TBL1XR1: variants seen among roughly 807,000 people sequenced by gnomAD.
TBL1XR1 encodes TBL1X/Y related 1, also known as F-box-like/WD repeat-containing protein TBL1XR1.
A neutral mutation model predicts 66.9 loss-of-function variants in TBL1XR1; 5 were observed. That is an observed-to-expected ratio of 0.07 (90% CI 0.04 to 0.16). The LOEUF is 0.16. TBL1XR1 is among the 10% of genes least tolerant of loss of function. The pLI, the probability that TBL1XR1 is intolerant of heterozygous loss-of-function variation, is 1.00. For missense variants in TBL1XR1, 238 were observed against 623.2 expected, an observed-to-expected ratio of 0.38 and a Z score of 6.58; for synonymous variants, 210 against 206.0, an observed-to-expected ratio of 1.02 and a Z score of -0.17.
chr3:177,195,838 T>G (rs192619605), intron 1 of TBL1XR1, among the ~76,000 whole-genome samples: 16 of 152,320 alleles, frequency 1.1e-4, no homozygotes, highest in Admixed American at 1.0e-3. Context: ...AGAAAGTGAA[T>G]AGTAAACTTT....
At position 177,051,553 on chromosome 3, in the gene TBL1XR1, A is replaced by G. The variant is rs767749015; in HGVS notation, c.378T>C (p.Asn126=). The G allele has an allele frequency of 5.0e-6, 8 of 1,613,290 alleles. No homozygotes were observed. The highest frequency in any genetic ancestry group is 6.8e-6 in the Non-Finnish European group (8 of 1,179,692). Residue 126 remains asparagine (N), a synonymous_variant, in exon 5 of 16, where the codon AAT becomes AAC. Coordinates refer to ENST00000457928, the MANE Select transcript of TBL1XR1 (RefSeq NM_024665.7). ...CCTCCCCATTTGCTGTGTTTTCTCC[A>G]TTTTTTGCAGATCCTTGTTGGCTGG... The part of the protein sequence containing the change: ...AAASQQGSAK[N]GENTANGEEN...
Position 177,151,956 on chromosome 3 carries a change from G to A in TBL1XR1, c.-122+45165C>T, listed in dbSNP as rs150146208. ...GGAGAATCACTTGAACCTGGGAGGT[G>A]GAAGTTGCAGTGAGCCAAGATAGCG... On this transcript the variant is annotated intron_variant, in intron 1 of 15. Coordinates refer to ENST00000457928, the MANE Select transcript of TBL1XR1 (RefSeq NM_024665.7). Among the ~76,000 whole-genome samples the A allele has an allele frequency of 3.6e-3, 542 of 152,230 alleles. 3 individuals are homozygous for A. The highest frequency in any genetic ancestry group is 0.012 in the African/African-American group (517 of 41,524).
chr3:177,087,124 A>G (rs1351563987), intron 2 of TBL1XR1: 1 of 148,434 alleles, frequency 6.7e-6, no homozygotes, highest in Admixed American at 6.8e-5. Context: ...ACTTTTAAAA[A>G]AACCAAGTAG....
intron 1 of TBL1XR1, among the ~76,000 whole-genome samples, chr3:177,114,413 T>G (rs528947565): frequency 8.6e-5 from 13 of 151,864 alleles, no homozygotes; most frequent in Non-Finnish European, 1.9e-4. Context: ...CAACCCCAAG[T>G]TCAAAAGATC....
chr3:177,059,059 A>C (rs1197902356), intron 3 of TBL1XR1, among the ~76,000 whole-genome samples: 1 of 152,218 alleles, frequency 6.6e-6, no homozygotes, highest in Non-Finnish European at 1.5e-5. Context: ...AAAACTATAT[A>C]CCTACTTGCA....
At chr3:177,039,977 T>TTA (rs1715349509) in intron 10 of TBL1XR1, among the ~76,000 whole-genome samples, 1 of 152,126 alleles carries the variant, frequency 6.6e-6, no homozygotes, top group African/African-American at 2.4e-5. Context: ...TTCAAGTCCT[T>TTA]TAGTGAAAGT....
Position 177,133,117 on chromosome 3 carries a change from C to T in TBL1XR1, c.-121-34576G>A, listed in dbSNP as rs1728494809. 1.3e-5 allele frequency among the ~76,000 whole-genome samples: 2 copies of T among 152,088 alleles called. 1 individual carries two copies. The highest frequency in any genetic ancestry group is 3.9e-4 in the East Asian group (2 of 5,178). ...CCTGGCCAGCATGGCCAAACCCCATCTCTACTAAAAATACAAAAAACTAGC... is the reference window on the plus strand; with the variant it reads ...CCTGGCCAGCATGGCCAAACCCCATTTCTACTAAAAATACAAAAAACTAGC... On this transcript the variant is annotated intron_variant, in intron 1 of 15. Transcript: ENST00000457928.
At position 177,176,187 on chromosome 3, in the gene TBL1XR1, T is replaced by G. The variant is rs77033237; in HGVS notation, c.-122+20934A>C. 0.04 allele frequency among the ~76,000 whole-genome samples: 6,002 copies of G among 151,784 alleles called. 743 individuals carry two copies. The East Asian group carries it at 0.49, about 12-fold the overall frequency. ...AATAAGTTGTTCAGAATATGTAACT[T>G]GTTAATTTTCTTGTTTTTTGTTTTT... On this transcript the variant is annotated intron_variant, in intron 1 of 15. Transcript: ENST00000457928.
At chr3:177,070,777 C>T (rs1577076127) in intron 2 of TBL1XR1, among the ~76,000 whole-genome samples, 3 of 151,742 alleles carry the variant, frequency 2.0e-5, no homozygotes, top group South Asian at 2.1e-4. Flanking sequence ...ACCCAGGAGA[C>T]GGTAGCTGCA....
In TBL1XR1 at chr3:177,021,546, C is replaced by G. The variant is rs1221552576; in HGVS notation, c.*3952G>C. ...TCTTTCTTCTCTCTTCTACATTTAA[C>G]TAGAATCATGTTTAAAAAAAACTGA... On this transcript the variant is annotated 3_prime_UTR_variant, in exon 16 of 16. Transcript: ENST00000457928. 10 of 152,478 alleles carry G rather than the reference C, an allele frequency of 6.6e-5. No homozygotes were observed. The highest frequency in any genetic ancestry group is 1.3e-4 in the Non-Finnish European group (9 of 67,984). 9.4% of individuals were successfully genotyped at this position (152,478 alleles called of 1,614,324 possible). A position where few individuals can be genotyped will look rare whatever the true frequency, so the allele number is the denominator to read the frequency against.
At chr3:177,119,814 A>C (rs979064781) in intron 1 of TBL1XR1, among the ~76,000 whole-genome samples, 6 of 152,236 alleles carry the variant, frequency 3.9e-5, no homozygotes, top group African/African-American at 1.4e-4. Context: ...TGTGTATTGA[A>C]TTAGTGCTCT....
rs1712853083 is a variant in TBL1XR1 at position 177,024,713 on chromosome 3, G to GAAAAAAAAAAAAAAAAAGA, written c.*784_*785insTCTTTTTTTTTTTTTTTTT. 7.0e-5 allele frequency: 6 copies of GAAAAAAAAAAAAAAAAAGA among 85,352 alleles called. No homozygotes were observed. The highest frequency in any genetic ancestry group is 3.8e-4 in the South Asian group (1 of 2,648). The allele number at this position is 85,352 out of a possible 1,614,324, so 5.3% of individuals were successfully genotyped here. A position where few individuals can be genotyped will look rare whatever the true frequency, so the allele number is the denominator to read the frequency against. Reference sequence around the variant, plus strand: ...AGCCACATCACCAAAAAACAAAAAAGAAAAAAAAAAAAAAAAAGCAAAACA... The same window carrying GAAAAAAAAAAAAAAAAAGA: ...AGCCACATCACCAAAAAACAAAAAAGAAAAAAAAAAAAAAAAAGAAAAAAAAAAAAAAAAAAGCAAAACA... On this transcript the variant is annotated 3_prime_UTR_variant, in exon 16 of 16. Transcript: ENST00000457928.
chr3:177,132,039 T>C (rs1207598503), intron 1 of TBL1XR1, among the ~76,000 whole-genome samples: 1 of 151,968 alleles, frequency 6.6e-6, no homozygotes, highest in Non-Finnish European at 1.5e-5. Flanking sequence ...GTACCAAACA[T>C]ACTGATTAAT....
Position 177,049,864 on chromosome 3 carries a change from G to A in TBL1XR1, c.702+133C>T, listed in dbSNP as rs188633200. The stretch of plus-strand genomic sequence containing the variant: ...GTGGGGGAGAGGGCTGGCAGGGGAC[G>A]ACTCCCGGTTTGTTGTTACTAGTTA... On this transcript the variant is annotated intron_variant, in intron 7 of 15. Transcript: ENST00000457928. 2,468 of 969,254 alleles carry A rather than the reference G, an allele frequency of 2.5e-3. 14 individuals are homozygous for A. The highest frequency in any genetic ancestry group is 0.024 in the Middle Eastern group (77 of 3,276). 60.0% of individuals were successfully genotyped at this position (969,254 alleles called of 1,614,324 possible). A position where few individuals can be genotyped will look rare whatever the true frequency, so the allele number is the denominator to read the frequency against.
At position 177,098,451 on chromosome 3, in the gene TBL1XR1, G is replaced by C; in HGVS notation, c.-46+15C>G. 1 of 983,250 alleles carries C rather than the reference G, an allele frequency of 1.0e-6. No homozygotes were observed. Among genetic ancestry groups the C allele is most frequent in the Non-Finnish European group, 1.2e-6 (1 of 827,632 alleles). The allele number at this position is 983,250 out of a possible 1,614,324, so 60.9% of individuals were successfully genotyped here. A position where few individuals can be genotyped will look rare whatever the true frequency, so the allele number is the denominator to read the frequency against. On this transcript the variant is annotated intron_variant, in intron 2 of 15. Coordinates refer to ENST00000457928, the MANE Select transcript of TBL1XR1 (RefSeq NM_024665.7). ...AGAATAAGAAACACTGACATTGGGA[G>C]TTGGAGAGTCTTACCATTGGCAGTG... is the stretch of plus-strand genomic sequence containing the variant.
rs575237622 is a variant in TBL1XR1 at position 177,144,182 on chromosome 3, G to A, written c.-121-45641C>T. 1.0e-3 allele frequency among the ~76,000 whole-genome samples: 155 copies of A among 151,986 alleles called. 2 individuals are homozygous for A. Among genetic ancestry groups the A allele is most frequent in the Non-Finnish European group, 1.0e-3 (69 of 67,974 alleles). On this transcript the variant is annotated intron_variant, in intron 1 of 15. Transcript: ENST00000457928. ...ATCGCTTGAACCCCGGGAGGCGGAGGTTGGAGTGAGCTGAGATCACACCAC... is the reference window on the plus strand; with the variant it reads ...ATCGCTTGAACCCCGGGAGGCGGAGATTGGAGTGAGCTGAGATCACACCAC...
At chr3:177,179,259 T>C (rs1041664416) in intron 1 of TBL1XR1, among the ~76,000 whole-genome samples, 2 of 151,992 alleles carry the variant, frequency 1.3e-5, no homozygotes, top group Admixed American at 6.6e-5. Flanking sequence ...GTGGCCACCA[T>C]GGCTTGTTTC....
chr3:177,108,360 T>G (rs1189886304), intron 1 of TBL1XR1, among the ~76,000 whole-genome samples: 2 of 152,176 alleles, frequency 1.3e-5, no homozygotes, highest in East Asian at 3.8e-4. Flanking sequence ...CTGCCATCTT[T>G]AGAAACTTAA....
intron 1 of TBL1XR1, among the ~76,000 whole-genome samples, chr3:177,141,839 G>C (rs536667809): frequency 6.6e-6 from 1 of 152,224 alleles, no homozygotes; most frequent in East Asian, 1.9e-4. Context: ...ACAAAACATG[G>C]TCTATATATA....
Sources: gnomAD v4.1 joint callset for allele counts (sites outside exome capture counted in the v4.1 genomes callset) on GRCh38, gnomAD v4.1.1 for gene constraint, MANE v1.5 for transcripts, NCBI Gene and HGNC (gene_info 2026-07-23, HGNC 2026-07-21) for gene names.